ALYREF: variants seen among roughly 807,000 people sequenced by gnomAD.
ALYREF encodes the protein THO complex subunit 4.
Under a neutral mutation model 25.2 loss-of-function variants are expected in ALYREF, and 1 was observed. The ratio of observed to expected loss-of-function variants is 0.04; its 90% CI spans 0.01 to 0.19. The LOEUF (loss-of-function observed/expected upper bound fraction) is 0.19. Among genes scored for constraint, ALYREF ranks in the 10% least tolerant of loss-of-function variants. The probability of loss-of-function intolerance (pLI) is 1.00; values close to 1 mark genes in which losing one functional copy is unlikely to be tolerated. For synonymous variants in ALYREF, 193 were observed against 153.5 expected, an observed-to-expected ratio of 1.26 and a Z score of -1.90; for missense variants, 328 against 375.6, an observed-to-expected ratio of 0.87 and a Z score of 1.05.
Position 81,887,986 on chromosome 17 carries a change from AC to A in ALYREF, c.*144del. The A allele has an allele frequency of 1.1e-6, 1 of 927,912 alleles. No homozygotes were observed. Among genetic ancestry groups the A allele is most frequent in the Non-Finnish European group, 1.5e-6 (1 of 661,612 alleles). The allele number at this position is 927,912 out of a possible 1,614,324, so 57.5% of individuals were successfully genotyped here. On this transcript the variant is annotated 3_prime_UTR_variant, in exon 6 of 6. Coordinates refer to ENST00000505490, the MANE Select transcript of ALYREF (RefSeq NM_005782.4). ...AAAAAAAAAAAAAGAAAAAAAAAAA[AC>A]CTTTACATGAGTTTTTAAATCCTAT... is the stretch of plus-strand genomic sequence containing the variant.
Position 81,889,144 on chromosome 17 carries a change from A to C in ALYREF, c.538+38T>G, listed in dbSNP as rs554089170. The C allele has an allele frequency of 2.5e-6, 4 of 1,605,892 alleles. No homozygotes were observed. The African/African-American group carries it at 5.3e-5, about 21-fold the overall frequency. On this transcript the variant is annotated intron_variant, in intron 3 of 5. Coordinates refer to ENST00000505490, the MANE Select transcript of ALYREF (RefSeq NM_005782.4). ...GACAGGTGCCAGCCCCAAACTCCAC[A>C]AGCCCCACAGTCAGCGTGGGTCCAC...
At chr17:81,890,277 AG>A (rs1468855606) in intron 2 of ALYREF, among the ~76,000 whole-genome samples, 3 of 152,224 alleles carry the variant, frequency 2.0e-5, no homozygotes, top group African/African-American at 7.2e-5. Flanking sequence ...AAACAGAGCC[AG>A]AAAAACAGAC....
intron 1 of ALYREF, 27 bp from the exon 2 acceptor site, chr17:81,890,847 G>A (rs776042608): frequency 1.1e-5 from 17 of 1,613,910 alleles, no homozygotes; most frequent in Admixed American, 3.3e-5. Flanking sequence ...AACAAGAGCA[G>A]ATCTGTGAGT....
rs1214486799 is a variant in ALYREF, at chr17:81,888,558, G to A, written c.564C>T (p.Val188=). The part of the protein sequence containing the change: ...LDGRPMNIQL[V]TSQIDAQRRP... ...TCCGCTGTGCGTCAATCTGTGACGT[G>A]ACAAGCTGAATGTTCATGGGGCGGC... The change falls in exon 4 of 6, where the codon GTC becomes GTT. Residue 188 remains valine, a synonymous_variant. Transcript: ENST00000505490. The surrounding 1 kb of genome is among the most constrained non-coding windows in gnomAD (Gnocchi z 5.8). 6 of 1,595,618 alleles carry A rather than the reference G, an allele frequency of 3.8e-6. No individual in the cohort carries two copies. The highest frequency in any genetic ancestry group is 5.1e-6 in the Non-Finnish European group (6 of 1,170,266).
At position 81,891,312 on chromosome 17, in the gene ALYREF, T is replaced by G; in HGVS notation, c.258+11A>C. ...CTCCCACTCTCCGGCGCGGCCGGCC[T>G]CCGCACTCACCCTGCTGTAGGGCGC... On this transcript the variant is annotated intron_variant, in intron 1 of 5. Transcript: ENST00000505490. 2 of 1,145,914 alleles carry G rather than the reference T, an allele frequency of 1.7e-6. No individual in the cohort carries two copies. Among genetic ancestry groups the G allele is most frequent in the Non-Finnish European group, 2.1e-6 (2 of 935,004 alleles). The allele number at this position is 1,145,914 out of a possible 1,614,324, so 71.0% of individuals were successfully genotyped here.
In ALYREF at chr17:81,891,513, T is replaced by C. The variant is rs1194205980; in HGVS notation, c.68A>G (p.Asn23Ser). 2.2e-6 allele frequency: 3 copies of C among 1,351,414 alleles called. No individual in the cohort carries two copies. The highest frequency in any genetic ancestry group is 9.6e-7 in the Non-Finnish European group (1 of 1,039,872). 83.7% of individuals were successfully genotyped at this position (1,351,414 alleles called of 1,614,324 possible). Reference protein sequence around the residue: ...DMSLDDIIKLNRSQRGGRGGG... With the variant: ...DMSLDDIIKLSRSQRGGRGGG... ...GCCCCGGCCGCCTCGCTGGCTCCGG[T>C]TCAGTTTAATGATGTCGTCCAGAGA... Residue 23 changes from asparagine (N) to serine (S), a missense_variant, in exon 1 of 6, where the codon AAC becomes AGC. Coordinates refer to ENST00000505490, the MANE Select transcript of ALYREF (RefSeq NM_005782.4).
intron 3 of ALYREF, 33 bp downstream of exon 3, chr17:81,889,149 C>T (rs776418570): frequency 1.9e-6 from 3 of 1,608,258 alleles, no homozygotes; most frequent in Non-Finnish European, 2.6e-6. Flanking sequence ...TCCACAAGCC[C>T]CACAGTCAGC....
chr17:81,890,632 A>C, intron 2 of ALYREF, 57 bp downstream of exon 2: 2 of 1,589,904 alleles, frequency 1.3e-6, no homozygotes. Context: ...ACATCCCCAA[A>C]ATCACGATCC....
At chr17:81,891,268 C>T in intron 1 of ALYREF, 55 bp downstream of exon 1, 1 of 1,099,700 alleles carries the variant, frequency 9.1e-7, no homozygotes, top group South Asian at 3.8e-5. Flanking sequence ...CGGCCCCGGC[C>T]CCAGCCCCGG....
At chr17:81,890,613 C>T (rs1567863283) in intron 2 of ALYREF, 76 bp downstream of exon 2, 1 of 1,580,386 alleles carries the variant, frequency 6.3e-7, no homozygotes, top group Admixed American at 1.8e-5. Flanking sequence ...GGGAAGGGGA[C>T]TCAGGGCCAC....
At position 81,891,371 on chromosome 17, in the gene ALYREF, G is replaced by A. The variant is rs1170218058; in HGVS notation, c.210C>T (p.Arg70=). ...GPIRNRPAIA[R]GAAGGGGRNR... ...TCCTGCCGCCTCCGCCGGCCGCGCC[G>A]CGGGCGATGGCCGGCCGGTTCCGGA... Residue 70 remains arginine, a synonymous_variant, in exon 1 of 6, where the codon CGC becomes CGT. Transcript: ENST00000505490. 1 of 1,145,312 alleles carries A rather than the reference G, an allele frequency of 8.7e-7. No individual in the cohort carries two copies. Among genetic ancestry groups the A allele is most frequent in the Non-Finnish European group, 1.1e-6 (1 of 931,140 alleles). 70.9% of individuals were successfully genotyped at this position (1,145,312 alleles called of 1,614,324 possible).
Position 81,887,958 on chromosome 17 carries a change from TAAAAAAAAAAA to T in ALYREF, c.*162_*172del. 1 of 470,996 alleles carries T rather than the reference TAAAAAAAAAAA, an allele frequency of 2.1e-6. No homozygotes were observed. Among genetic ancestry groups the T allele is most frequent in the Non-Finnish European group, 3.2e-6 (1 of 314,828 alleles). 29.2% of individuals were successfully genotyped at this position (470,996 alleles called of 1,614,324 possible). A position where few individuals can be genotyped will look rare whatever the true frequency, so the allele number is the denominator to read the frequency against. ...GTACAAAACAGGTCTGTTTCAGAAT[TAAAAAAAAAAA>T]AAAAGAAAAAAAAAAAACCTTTACA... On this transcript the variant is annotated 3_prime_UTR_variant, in exon 6 of 6. Transcript: ENST00000505490.
Position 81,888,425 on chromosome 17 carries a change from AG to A in ALYREF, c.603-8del. 6.3e-7 allele frequency: 1 copy of A among 1,598,664 alleles called. No homozygotes were observed. Among genetic ancestry groups the A allele is most frequent in the Non-Finnish European group, 8.5e-7 (1 of 1,170,296 alleles). On this transcript the variant is annotated splice_region_variant and splice_polypyrimidine_tract_variant and intron_variant, in intron 4 of 5. Coordinates refer to ENST00000505490, the MANE Select transcript of ALYREF (RefSeq NM_005782.4). The surrounding 1 kb of genome is among the most constrained non-coding windows in gnomAD (Gnocchi z 5.8). ...CATGCCACCTCTGTTTACGCTAGCAAGGAAGACGAAACCGTTCACACACCCG... is the reference window on the plus strand; with the variant it reads ...CATGCCACCTCTGTTTACGCTAGCAAGAAGACGAAACCGTTCACACACCCG...
At chr17:81,889,352 G>C (rs769779878) in intron 2 of ALYREF, 23 bp from the exon 3 acceptor site, 8 of 1,609,148 alleles carry the variant, frequency 5.0e-6, no homozygotes, top group Middle Eastern at 1.7e-4. Context: ...GAGAGCAGTT[G>C]TCAGAAAAGC....
chr17:81,889,635 G>A, intron 2 of ALYREF: 1 of 359,682 alleles, frequency 2.8e-6, no homozygotes, highest in South Asian at 3.1e-5. Flanking sequence ...AAAGGAAAAT[G>A]TACAACACAC....
At chr17:81,890,163 C>G (rs546970679) in intron 2 of ALYREF, among the ~76,000 whole-genome samples, 17 of 152,158 alleles carry the variant, frequency 1.1e-4, no homozygotes, top group African/African-American at 3.9e-4. Context: ...AAAAGAAAAG[C>G]TTCAACCAAA....
intron 1 of ALYREF, 105 bp from the exon 2 acceptor site, chr17:81,890,925 C>A: frequency 6.6e-7 from 1 of 1,524,186 alleles, no homozygotes; most frequent in Non-Finnish European, 8.9e-7. Context: ...CTGAGAGGAT[C>A]CGGCCGAAAC....
In ALYREF at chr17:81,888,772, C is replaced by T; in HGVS notation, c.539-189G>A. ...TGGCAAGGAAGCAACCCCACCAACA[C>T]CTCCTCACTCCTTCTCAGTCCAGAC... On this transcript the variant is annotated intron_variant, in intron 3 of 5. Coordinates refer to ENST00000505490, the MANE Select transcript of ALYREF (RefSeq NM_005782.4). This position sits in a 1 kb window ranked among gnomAD's most constrained non-coding sequence, Gnocchi z 5.8. 6.9e-7 allele frequency: 1 copy of T among 1,446,798 alleles called. No individual in the cohort carries two copies. The highest frequency in any genetic ancestry group is 9.1e-7 in the Non-Finnish European group (1 of 1,100,454). The allele number at this position is 1,446,798 out of a possible 1,614,324, so 89.6% of individuals were successfully genotyped here. A position where few individuals can be genotyped will look rare whatever the true frequency, so the allele number is the denominator to read the frequency against.
rs188689322 is a variant in ALYREF, at chr17:81,888,071, C to G, written c.*60G>C. The G allele has an allele frequency of 2.3e-4, 366 of 1,609,292 alleles. No individual in the cohort carries two copies. In the African/African-American group the frequency reaches 4.6e-3, roughly 20 times the overall value. ...CCGCACAGCCCCAGCCACCGCCCCC[C>G]AACCAGGGAGCAAGAGGAGACGCCT... is the stretch of plus-strand genomic sequence containing the variant. On this transcript the variant is annotated 3_prime_UTR_variant, in exon 6 of 6. Coordinates refer to ENST00000505490, the MANE Select transcript of ALYREF (RefSeq NM_005782.4). The surrounding 1 kb of genome is among the most constrained non-coding windows in gnomAD (Gnocchi z 5.8).
Sources: gnomAD v4.1 joint callset for allele counts (sites outside exome capture counted in the v4.1 genomes callset) on GRCh38, gnomAD v4.1.1 for gene constraint, Gnocchi (gnomAD v3.1) non-coding constraint, MANE v1.5 for transcripts, NCBI Gene and HGNC (gene_info 2026-07-23, HGNC 2026-07-21) for gene names.